CUX1: variants seen among roughly 807,000 people sequenced by gnomAD.
CUX1 encodes the protein protein CASP.
In CUX1, 31 loss-of-function variants were observed where a neutral mutation model predicts 158.8. The observed-to-expected ratio is 0.20, with a 90% CI of 0.15 to 0.26. The LOEUF (loss-of-function observed/expected upper bound fraction) is 0.26. CUX1 is among the 10% of genes least tolerant of loss of function. The pLI, the probability that CUX1 is intolerant of heterozygous loss-of-function variation, is 1.00. For missense variants in CUX1, 1,589 were observed against 2,014.6 expected (o/e 0.79, Z 4.04); for synonymous variants, 879 against 862.1 (o/e 1.02, Z -0.34).
At chr7:101,945,179 A>G (rs1808223695) in intron 2 of CUX1, among the ~76,000 whole-genome samples, 1 of 152,090 alleles carries the variant, frequency 6.6e-6, no homozygotes. Flanking sequence ...CAGACAGGGC[A>G]GAGCGACCTC....
intron 8 of CUX1, among the ~76,000 whole-genome samples, chr7:102,149,211 G>A (rs75021970): frequency 2.0e-5 from 3 of 152,044 alleles, no homozygotes; most frequent in Non-Finnish European, 4.4e-5. Context: ...CTCTATCCCA[G>A]TGTCCCCTGC....
intron 21 of CUX1, among the ~76,000 whole-genome samples, chr7:102,230,511 AAGAAC>A (rs1162690225): frequency 4.6e-5 from 7 of 151,670 alleles, no homozygotes; most frequent in African/African-American, 1.7e-4. Context: ...AAAAAAAAAA[AAGAAC>A]AGAGTAGCTG....
At chr7:102,139,175 G>A (rs1368490419) in intron 8 of CUX1, among the ~76,000 whole-genome samples, 1 of 150,084 alleles carries the variant, frequency 6.7e-6, no homozygotes, top group Non-Finnish European at 1.5e-5. Flanking sequence ...AACCCGGGAG[G>A]CAGAGTTTGC....
intron 1 of CUX1, among the ~76,000 whole-genome samples, chr7:101,830,961 G>T (rs1450664468): frequency 3.9e-5 from 6 of 152,108 alleles, no homozygotes. Flanking sequence ...ATCCATTCGT[G>T]TTCTGAGCAC....
chr7:102,123,747 C>G (rs538738647), intron 8 of CUX1, among the ~76,000 whole-genome samples: 1 of 152,144 alleles, frequency 6.6e-6, no homozygotes, highest in East Asian at 1.9e-4. Context: ...ACTACAACTT[C>G]TACCTCCCGG....
At chr7:102,233,498 C>T (rs1038768573) in intron 21 of CUX1, among the ~76,000 whole-genome samples, 2 of 152,114 alleles carry the variant, frequency 1.3e-5, no homozygotes, top group Non-Finnish European at 2.9e-5. Flanking sequence ...TTAAGAGAAA[C>T]GTCACTGGCC....
intron 8 of CUX1, among the ~76,000 whole-genome samples, chr7:102,137,934 T>C (rs1468121631): frequency 2.0e-5 from 3 of 152,064 alleles, no homozygotes; most frequent in African/African-American, 7.2e-5. Flanking sequence ...ACCTGTAGCC[T>C]CAACACTTTG....
At chr7:102,107,111 A>G (rs928215874) in intron 6 of CUX1, among the ~76,000 whole-genome samples, 9 of 152,098 alleles carry the variant, frequency 5.9e-5, no homozygotes, top group African/African-American at 1.9e-4. Flanking sequence ...GCATGTGCCT[A>G]TAGTCTCAGC....
intron 20 of CUX1, among the ~76,000 whole-genome samples, chr7:102,212,422 G>T (rs1796634663): frequency 6.6e-6 from 1 of 152,074 alleles, no homozygotes; most frequent in African/African-American, 2.4e-5. Context: ...CCAGAACTCG[G>T]CCCCCCAAAG....
rs143267032 is a variant in CUX1 at position 102,028,117 on chromosome 7, C to G, written c.161C>G (p.Ala54Gly). 1.1e-4 allele frequency: 177 copies of G among 1,612,314 alleles called. No individual in the cohort carries two copies. Among genetic ancestry groups the G allele is most frequent in the Non-Finnish European group, 1.5e-4 (175 of 1,180,010 alleles). The change falls in exon 3 of 24, where the codon GCG becomes GGG. Residue 54 changes from alanine (A) to glycine (G), a missense_variant. By Grantham distance (60) the Ala-to-Gly change is moderately conservative. Coordinates refer to ENST00000292535, the MANE Select transcript of CUX1 (RefSeq NM_181552.4). ...NTPEDLRKQV[A>G]PLLKSFQGEI... Reference sequence around the variant, plus strand: ...CTCCAGGATTTGCGCAAGCAGGTAGCGCCGCTGCTGAAGAGTTTCCAAGGA... The same window carrying G: ...CTCCAGGATTTGCGCAAGCAGGTAGGGCCGCTGCTGAAGAGTTTCCAAGGA...
intron 20 of CUX1, among the ~76,000 whole-genome samples, chr7:102,212,300 G>A (rs150772203): frequency 1.3e-4 from 20 of 152,172 alleles, no homozygotes; most frequent in Non-Finnish European, 2.4e-4. Context: ...AACAAACGTC[G>A]CTGTCATCAA....
At chr7:101,883,864 G>A (rs1799961477) in intron 1 of CUX1, among the ~76,000 whole-genome samples, 1 of 152,230 alleles carries the variant, frequency 6.6e-6, no homozygotes, top group African/African-American at 2.4e-5. Context: ...CCAAAGTGCT[G>A]GGATTACAGG....
chr7:101,909,474 T>C (rs562136336), intron 1 of CUX1, among the ~76,000 whole-genome samples: 1 of 152,360 alleles, frequency 6.6e-6, no homozygotes, highest in Admixed American at 6.5e-5. Flanking sequence ...AACCCTCCAT[T>C]CATCGAAATG....
intron 1 of CUX1, among the ~76,000 whole-genome samples, chr7:101,912,164 G>T (rs1803561442): frequency 6.6e-6 from 1 of 151,866 alleles, no homozygotes; most frequent in Non-Finnish European, 1.5e-5. Flanking sequence ...GCTTGGTTTG[G>T]TGGTGTTTTC....
At chr7:102,193,456 T>C (rs1794483620) in intron 12 of CUX1, among the ~76,000 whole-genome samples, 1 of 152,232 alleles carries the variant, frequency 6.6e-6, no homozygotes, top group South Asian at 2.1e-4. Context: ...CTTCGGTTCC[T>C]GGAGAGCAGG....
intron 15 of CUX1, chr7:102,274,096 C>T (rs533932353): frequency 9.7e-6 from 7 of 722,772 alleles, no homozygotes; most frequent in East Asian, 2.6e-5. Context: ...TGTCCAGGTC[C>T]GGGCCCTCCT....
intron 2 of CUX1, among the ~76,000 whole-genome samples, chr7:102,025,810 GCTT>G (rs1819952286): frequency 6.6e-6 from 1 of 152,150 alleles, no homozygotes; most frequent in Non-Finnish European, 1.5e-5. Context: ...AAATTATAAT[GCTT>G]CTTGACCAAA....
At chr7:101,870,161 T>G (rs1192384106) in intron 1 of CUX1, among the ~76,000 whole-genome samples, 2 of 149,798 alleles carry the variant, frequency 1.3e-5, no homozygotes, top group Non-Finnish European at 3.0e-5. Flanking sequence ...TTGTTTTTTT[T>G]TTTTTTTTTA....
intron 6 of CUX1, among the ~76,000 whole-genome samples, chr7:102,106,867 T>C (rs1311734800): frequency 2.0e-5 from 3 of 152,142 alleles, no homozygotes; most frequent in African/African-American, 7.2e-5. Flanking sequence ...TAAGCCCTCC[T>C]TTGGGGCTCG....
Sources: allele counts gnomAD v4.1 joint callset (sites outside exome capture counted in the v4.1 genomes callset), GRCh38; gene constraint gnomAD v4.1.1; transcripts MANE v1.5; gene names NCBI Gene and HGNC (gene_info 2026-07-23, HGNC 2026-07-21).